SV2C: variants seen among roughly 807,000 people sequenced by gnomAD.
SV2C encodes synaptic vesicle glycoprotein 2C.
Under a neutral mutation model 79.7 loss-of-function variants are expected in SV2C, and 49 were observed. The ratio of observed to expected loss-of-function variants is 0.61; its 90% CI spans 0.49 to 0.78. SV2C has a LOEUF of 0.78. SV2C is among the 30% of genes least tolerant of loss of function. The pLI is 0.00. For synonymous variants in SV2C, 334 were observed against 333.2 expected (o/e 1.00, Z -0.03); for missense variants, 833 against 912.9 (o/e 0.91, Z 1.13).
intron 4 of SV2C, among the ~76,000 whole-genome samples, chr5:76,236,757 C>A (rs1316201371): frequency 6.6e-6 from 1 of 152,154 alleles, no homozygotes; most frequent in East Asian, 1.9e-4. Context: ...GGCCCCACCT[C>A]CGACACTGGG....
At chr5:75,869,992 C>T in the SV2C span, among the ~76,000 whole-genome samples, 1 of 152,114 alleles carries the variant, frequency 6.6e-6, no homozygotes, top group East Asian at 1.9e-4. Context: ...TATTACAACA[C>T]TCAAGTCCTT....
the SV2C span, among the ~76,000 whole-genome samples, chr5:75,889,785 CATT>C: frequency 1.3e-5 from 2 of 152,168 alleles, no homozygotes; most frequent in African/African-American, 4.8e-5. Context: ...TCAAAATTAT[CATT>C]GAGTTCAAAG....
intron 4 of SV2C, among the ~76,000 whole-genome samples, chr5:76,220,906 G>A (rs1170549055): frequency 2.6e-5 from 4 of 152,128 alleles, no homozygotes; most frequent in Non-Finnish European, 5.9e-5. Context: ...CTTCCTGGAA[G>A]TCCCACACAA....
chr5:76,123,317 A>G (rs1748594492), intron 1 of SV2C, among the ~76,000 whole-genome samples: 1 of 152,198 alleles, frequency 6.6e-6, no homozygotes, highest in African/African-American at 2.4e-5. Context: ...AACTGGCACC[A>G]TTTCTTCTGA....
At chr5:76,007,864 G>C in the SV2C span, among the ~76,000 whole-genome samples, 1 of 152,130 alleles carries the variant, frequency 6.6e-6, no homozygotes, top group Non-Finnish European at 1.5e-5. Flanking sequence ...TAACTATTAA[G>C]AGTAGTAATC....
At chr5:76,088,754 C>G (rs1345670599) in intron 1 of SV2C, among the ~76,000 whole-genome samples, 1 of 152,002 alleles carries the variant, frequency 6.6e-6, no homozygotes, top group Non-Finnish European at 1.5e-5. Flanking sequence ...CCAAATCTAG[C>G]AATTCTGTTT....
chr5:76,098,577 C>T (rs976258429), intron 1 of SV2C, among the ~76,000 whole-genome samples: 2 of 152,240 alleles, frequency 1.3e-5, no homozygotes, highest in African/African-American at 4.8e-5. Flanking sequence ...TTTTCCCAAA[C>T]ATTCATCACT....
chr5:76,266,353 A>G (rs1746655335), intron 4 of SV2C, among the ~76,000 whole-genome samples: 1 of 152,112 alleles, frequency 6.6e-6, no homozygotes, highest in Non-Finnish European at 1.5e-5. Context: ...GACTACAAGC[A>G]CGTGCCACCA....
intron 4 of SV2C, among the ~76,000 whole-genome samples, chr5:76,223,559 C>A (rs79005547): frequency 1.3e-3 from 193 of 143,832 alleles, no homozygotes; most frequent in African/African-American, 4.6e-3. Flanking sequence ...TGCTTTATAA[C>A]CCACATTTGA....
the SV2C span, among the ~76,000 whole-genome samples, chr5:75,953,017 G>A: frequency 1.3e-5 from 2 of 151,924 alleles, no homozygotes; most frequent in African/African-American, 2.4e-5. Context: ...TCTGATGTGG[G>A]TAATTTATAA....
intron 2 of SV2C, chr5:76,174,181 C>A: frequency 1.2e-6 from 2 of 1,612,468 alleles, no homozygotes. Flanking sequence ...TATACTCACG[C>A]ATGATGCAAG....
At chr5:76,150,172 A>G (rs1468246756) in intron 2 of SV2C, among the ~76,000 whole-genome samples, 2 of 151,680 alleles carry the variant, frequency 1.3e-5, no homozygotes, top group African/African-American at 2.4e-5. Flanking sequence ...TCAGCTTCTC[A>G]GTCCCTTTAT....
At chr5:75,985,294 A>G in the SV2C span, among the ~76,000 whole-genome samples, 2 of 151,944 alleles carry the variant, frequency 1.3e-5, no homozygotes, top group Admixed American at 6.6e-5. Context: ...TTCATGAGGG[A>G]TCTGCTCCTA....
intron 12 of SV2C, among the ~76,000 whole-genome samples, chr5:76,342,886 CTTTT>C (rs35379719): frequency 2.9e-5 from 4 of 138,832 alleles, no homozygotes; most frequent in Non-Finnish European, 6.3e-5. Flanking sequence ...CTCTCTCTCT[CTTTT>C]TTTTTTTTTT....
At chr5:75,917,452 A>G in the SV2C span, among the ~76,000 whole-genome samples, 1 of 152,262 alleles carries the variant, frequency 6.6e-6, no homozygotes, top group Non-Finnish European at 1.5e-5. Context: ...TATTGACCAC[A>G]GAGCTTTCAC....
chr5:76,098,010 C>T (rs1191956866), intron 1 of SV2C, among the ~76,000 whole-genome samples: 1 of 152,028 alleles, frequency 6.6e-6, no homozygotes, highest in Non-Finnish European at 1.5e-5. Context: ...CTGTGAAGGT[C>T]CTGAGTTTTT....
chr5:76,097,744 A>G (rs1474504863), intron 1 of SV2C, among the ~76,000 whole-genome samples: 1 of 152,176 alleles, frequency 6.6e-6, no homozygotes, highest in East Asian at 1.9e-4. Flanking sequence ...ACATTGTAGT[A>G]AGCTGACATA....
intron 1 of SV2C, among the ~76,000 whole-genome samples, chr5:76,089,643 C>G (rs1381641820): frequency 6.6e-6 from 1 of 152,190 alleles, no homozygotes; most frequent in Non-Finnish European, 1.5e-5. Context: ...ACATTCCCAC[C>G]AACAGTGGAA....
At chr5:75,957,318 G>A in the SV2C span, among the ~76,000 whole-genome samples, 1 of 151,986 alleles carries the variant, frequency 6.6e-6, no homozygotes, top group African/African-American at 2.4e-5. Flanking sequence ...TAATTCATCA[G>A]TGTAGTCCTT....
Sources: gnomAD v4.1 joint callset for allele counts (sites outside exome capture counted in the v4.1 genomes callset) on GRCh38, gnomAD v4.1.1 for gene constraint, MANE v1.5 for transcripts, NCBI Gene and HGNC (gene_info 2026-07-23, HGNC 2026-07-21) for gene names.